The following MIA2 variants were observed in gnomAD, a reference collection of about 807,000 sequenced individuals.
MIA2 encodes the protein MIA SH3 domain ER export factor 2.
In MIA2, 127 loss-of-function variants were observed where a neutral mutation model predicts 167.8. The ratio of observed to expected loss-of-function variants is 0.76; its 90% CI spans 0.66 to 0.88. The LOEUF (loss-of-function observed/expected upper bound fraction) is 0.88, where lower values mean the gene tolerates loss of function less well. MIA2 is among the 40% of genes least tolerant of loss of function. MIA2 has a pLI of 0.00. For synonymous variants in MIA2, 552 were observed against 541.9 expected (o/e 1.02, Z -0.26); for missense variants, 1,690 against 1,624.7 (o/e 1.04, Z -0.69).
At chr14:39,297,031 C>T (rs2061523489) in intron 13 of MIA2, among the ~76,000 whole-genome samples, 1 of 151,944 alleles carries the variant, frequency 6.6e-6, no homozygotes, top group Non-Finnish European at 1.5e-5. Context: ...CTCACCTCGG[C>T]CTCCCAAAGT....
At chr14:39,326,282 A>C (rs763669928) in intron 24 of MIA2, among the ~76,000 whole-genome samples, 1 of 152,226 alleles carries the variant, frequency 6.6e-6, no homozygotes, top group South Asian at 2.1e-4. Flanking sequence ...TCTGTTGTAC[A>C]TAATGTTTTA....
Position 39,269,645 on chromosome 14 carries a change from G to T in MIA2, c.1888-7289G>T, listed in dbSNP as rs1454326495. ...GGTGATCCTCCCACCTCAGCCTCCT[G>T]AATAGGTGGGACCACAGCACATGCC... On this transcript the variant is annotated intron_variant, in intron 6 of 28. Transcript: ENST00000640607. Among the ~76,000 whole-genome samples the T allele has an allele frequency of 3.3e-5, 5 of 151,680 alleles. No individual in the cohort carries two copies. The East Asian group carries it at 9.7e-4, about 29-fold the overall frequency.
At chr14:39,267,280 C>T (rs1680797635) in intron 6 of MIA2, 2 of 1,449,800 alleles carry the variant, frequency 1.4e-6, no homozygotes, top group Non-Finnish European at 1.8e-6. Context: ...CAGCGTAGGC[C>T]TGTGAGGCCT....
chr14:39,332,840 C>G (rs1164469625), intron 25 of MIA2, among the ~76,000 whole-genome samples: 1 of 152,126 alleles, frequency 6.6e-6, no homozygotes, highest in African/African-American at 2.4e-5. Context: ...TCACTGGGAG[C>G]TGAAGACCGG....
chr14:39,279,678 A>G, intron 9 of MIA2, 141 bp downstream of exon 9: 2 of 606,562 alleles, frequency 3.3e-6, no homozygotes, highest in Non-Finnish European at 5.7e-6. Flanking sequence ...CATATTCAAC[A>G]CTTAACCAGT....
At chr14:39,242,345 G>T (rs1348500485) in intron 3 of MIA2, among the ~76,000 whole-genome samples, 1 of 141,994 alleles carries the variant, frequency 7.0e-6, no homozygotes, top group Non-Finnish European at 1.5e-5. Context: ...TTTTGAGATG[G>T]AGTTTCACCT....
intron 23 of MIA2, among the ~76,000 whole-genome samples, chr14:39,377,869 A>C (rs773918855): frequency 6.6e-6 from 1 of 152,034 alleles, no homozygotes. Context: ...TGTGCCTTCA[A>C]ATACCTGTGT....
chr14:39,242,949 C>T (rs1052707933), intron 3 of MIA2, among the ~76,000 whole-genome samples: 19 of 151,572 alleles, frequency 1.3e-4, no homozygotes, highest in Non-Finnish European at 2.5e-4. Context: ...ATGGTGAAAC[C>T]CCGTCTCTAC....
rs577148444 is a variant in MIA2 at position 39,356,422 on chromosome 14, T to C, written c.2248+7445T>C. Among the ~76,000 whole-genome samples, 1,185 of 152,146 alleles carry C rather than the reference T, an allele frequency of 7.8e-3. 14 individuals carry two copies. The highest frequency in any genetic ancestry group is 0.026 in the African/African-American group (1,079 of 41,464). On this transcript the variant is annotated intron_variant, in intron 23 of 23. Transcript: ENST00000341502. ...ATCTCCCCTTTATCATTTTTTATTG[T>C]GTCCGTTTGATTCTTCTCTCATTTC...
chr14:39,238,934 A>C (rs956183530), intron 2 of MIA2, among the ~76,000 whole-genome samples: 1 of 152,010 alleles, frequency 6.6e-6, no homozygotes, highest in Non-Finnish European at 1.5e-5. Flanking sequence ...AATGATTAAT[A>C]CTTTCCATTG....
intron 24 of MIA2, 62 bp downstream of exon 24, chr14:39,321,118 A>C: frequency 6.7e-7 from 1 of 1,484,264 alleles, no homozygotes; most frequent in Non-Finnish European, 9.2e-7. Flanking sequence ...TTTCATCTCA[A>C]CTTACCTTAA....
chr14:39,297,691 G>GTGTGTGTGTGTT (rs1434880963), intron 13 of MIA2, among the ~76,000 whole-genome samples: 2 of 151,874 alleles, frequency 1.3e-5, no homozygotes, highest in South Asian at 2.1e-4. Context: ...GTGTGTGTGT[G>GTGTGTGTGTGTT]TGTGTGTTTG....
chr14:39,256,911 C>G (rs577225740), intron 6 of MIA2, among the ~76,000 whole-genome samples: 3 of 152,088 alleles, frequency 2.0e-5, no homozygotes, highest in African/African-American at 7.2e-5. Flanking sequence ...TAACGGTAAT[C>G]AAGTTGGTTT....
chr14:39,326,248 T>C (rs2067528667), intron 24 of MIA2, among the ~76,000 whole-genome samples: 1 of 152,244 alleles, frequency 6.6e-6, no homozygotes, highest in South Asian at 2.1e-4. Flanking sequence ...TAGAAATCAC[T>C]AAAAGCCATC....
chr14:39,373,077 T>C (rs191366756), intron 23 of MIA2, among the ~76,000 whole-genome samples: 57 of 152,302 alleles, frequency 3.7e-4, no homozygotes, highest in East Asian at 1.4e-3. Flanking sequence ...CCCAGTTACA[T>C]GGATTTGGTC....
intron 21 of MIA2, among the ~76,000 whole-genome samples, chr14:39,317,544 C>T (rs2065703840): frequency 3.3e-5 from 5 of 152,046 alleles, no homozygotes. Flanking sequence ...ACACTGTCAA[C>T]TTTAGAGATT....
chr14:39,261,390 T>G, intron 6 of MIA2, among the ~76,000 whole-genome samples: 1 of 152,190 alleles, frequency 6.6e-6, no homozygotes, highest in East Asian at 1.9e-4. Context: ...AGTCTATCAT[T>G]GTTGGACATT....
intron 23 of MIA2, chr14:39,385,981 G>A (rs2075267367): frequency 7.1e-6 from 6 of 839,636 alleles, no homozygotes; most frequent in Non-Finnish European, 1.2e-5. Flanking sequence ...GCCACCATTT[G>A]AGCAAGAACG....
chr14:39,321,311 TA>T (rs1293806793), intron 24 of MIA2, among the ~76,000 whole-genome samples: 1 of 152,080 alleles, frequency 6.6e-6, no homozygotes, highest in Non-Finnish European at 1.5e-5. Flanking sequence ...TTTTTCTTTT[TA>T]ATTTTAATTT....
Sources: gnomAD v4.1 joint callset for allele counts (sites outside exome capture counted in the v4.1 genomes callset) on GRCh38, gnomAD v4.1.1 for gene constraint, MANE v1.5 for transcripts, NCBI Gene and HGNC (gene_info 2026-07-23, HGNC 2026-07-21) for gene names.